Variants in WDFY3 observed in about 807,000 individuals in gnomAD.
WDFY3 encodes the protein WD repeat and FYVE domain-containing protein 3.
In WDFY3, 66 loss-of-function variants were observed where a neutral mutation model predicts 409.6. That is an observed-to-expected ratio of 0.16 (90% CI 0.13 to 0.20). WDFY3 has a LOEUF of 0.20. Among genes scored for constraint, WDFY3 ranks in the 10% least tolerant of loss-of-function variants. The probability of loss-of-function intolerance (pLI) is 1.00; values close to 1 mark genes in which losing one functional copy is unlikely to be tolerated. For synonymous variants in WDFY3, 1,521 were observed against 1,537.1 expected, an observed-to-expected ratio of 0.99 and a Z score of 0.25; for missense variants, 3,031 against 4,298.1, an observed-to-expected ratio of 0.71 and a Z score of 8.24.
intron 3 of WDFY3, among the ~76,000 whole-genome samples, chr4:84,874,088 C>T (rs1192700486): frequency 6.6e-6 from 1 of 151,582 alleles, no homozygotes; most frequent in Non-Finnish European, 1.5e-5. Context: ...GCCTGGTGTC[C>T]TGTTCTTACA....
chr4:84,952,230 A>T (rs1388894282), intron 1 of WDFY3, among the ~76,000 whole-genome samples: 2 of 152,146 alleles, frequency 1.3e-5, no homozygotes, highest in Middle Eastern at 3.2e-3. Flanking sequence ...TGGTTATGCA[A>T]CCTAAGACAA....
chr4:84,906,495 T>C (rs1216900650), intron 2 of WDFY3, among the ~76,000 whole-genome samples: 1 of 152,156 alleles, frequency 6.6e-6, no homozygotes, highest in Non-Finnish European at 1.5e-5. Context: ...GTGTAATATT[T>C]TAATAAAAGC....
At chr4:84,771,000 T>G (rs1006797901) in intron 30 of WDFY3, among the ~76,000 whole-genome samples, 1 of 152,180 alleles carries the variant, frequency 6.6e-6, no homozygotes, top group Non-Finnish European at 1.5e-5. Context: ...ACTTGGCATA[T>G]CAAAAGAAAA....
chr4:84,927,446 T>C (rs1011312716), intron 2 of WDFY3, among the ~76,000 whole-genome samples: 10 of 151,868 alleles, frequency 6.6e-5, no homozygotes, highest in African/African-American at 2.4e-4. Context: ...AAAGAACCCA[T>C]AAAATAAGTT....
At chr4:84,921,524 T>TTTATC (rs1769269741) in intron 2 of WDFY3, among the ~76,000 whole-genome samples, 2 of 152,126 alleles carry the variant, frequency 1.3e-5, no homozygotes. Flanking sequence ...AGAAAAGTAT[T>TTTATC]TTTATATGTC....
chr4:84,730,327 G>A (rs1372221367), intron 44 of WDFY3, among the ~76,000 whole-genome samples: 2 of 152,142 alleles, frequency 1.3e-5, no homozygotes, highest in Non-Finnish European at 2.9e-5. Context: ...CTATAACTTA[G>A]GGAAGACAAG....
intron 23 of WDFY3, 141 bp from the exon 24 acceptor site, chr4:84,786,280 T>A: frequency 1.3e-6 from 1 of 761,920 alleles, no homozygotes; most frequent in Non-Finnish European, 2.0e-6. Context: ...AAAACTATCT[T>A]CTCAGCTCTT....
In WDFY3 at chr4:84,671,289, C is replaced by T. The variant is rs1270020154; in HGVS notation, c.*1579G>A. 1.3e-5 allele frequency: 2 copies of T among 152,428 alleles called. No homozygotes were observed. The highest frequency in any genetic ancestry group is 6.6e-5 in the Admixed American group (1 of 15,260). The allele number at this position is 152,428 out of a possible 1,614,324, so 9.4% of individuals were successfully genotyped here. On this transcript the variant is annotated 3_prime_UTR_variant, in exon 68 of 68. Transcript: ENST00000295888. ...CCTAAAGATGGAAAATTGGAAAAGC[C>T]AAAGCCGCTGTCCTTTGCATGATGC...
rs757191262 is a variant in WDFY3 at position 84,677,341 on chromosome 4, C to G, written c.10315G>C (p.Val3439Leu). The G allele has an allele frequency of 2.5e-6, 4 of 1,614,148 alleles. No individual in the cohort carries two copies. Among genetic ancestry groups the G allele is most frequent in the South Asian group, 1.1e-5 (1 of 91,074 alleles). The change falls in exon 67 of 68, where the codon GTG (valine) becomes CTG (leucine). Residue 3439 changes from valine (V) to leucine (L), a missense_variant. Around this residue, in one of 16 missense-constraint regions of WDFY3, gnomAD observed 378 missense variants for 477.3 expected, o/e 0.79. Coordinates refer to ENST00000295888, the MANE Select transcript of WDFY3 (RefSeq NM_014991.6). ...GCAGAACGGCCTGGCTGGTCACTCA[C>G]AGACCAGCTGAAAACTCGGCCTCGA... ...DSRGRVFSWS[V>L]SDQPGRSAAD...
chr4:84,792,476 T>C (rs1748690755), intron 21 of WDFY3, among the ~76,000 whole-genome samples: 1 of 152,238 alleles, frequency 6.6e-6, no homozygotes, highest in Non-Finnish European at 1.5e-5. Context: ...AGAGTTTCAC[T>C]TTCTGACTTA....
Position 84,752,162 on chromosome 4 carries a change from C to A in WDFY3, c.5740-446G>T, listed in dbSNP as rs190658889. Among the ~76,000 whole-genome samples the A allele has an allele frequency of 9.7e-4, 147 of 151,212 alleles. 2 individuals carry two copies. In the East Asian group the frequency reaches 0.016, roughly 16 times the overall value. On this transcript the variant is annotated intron_variant, in intron 35 of 67. Coordinates refer to ENST00000295888, the MANE Select transcript of WDFY3 (RefSeq NM_014991.6). Reference sequence around the variant, plus strand: ...ACCCCAAATAAATTTAAAAAAAAAACAACAATATTGGTGCCAATTTTGAAC... The same window carrying A: ...ACCCCAAATAAATTTAAAAAAAAAAAAACAATATTGGTGCCAATTTTGAAC...
chr4:84,881,034 C>A (rs902295575), intron 3 of WDFY3, among the ~76,000 whole-genome samples: 3 of 151,762 alleles, frequency 2.0e-5, no homozygotes, highest in African/African-American at 7.3e-5. Context: ...GATGGTAAGT[C>A]TTACTGAGCT....
chr4:84,729,483 C>T (rs1403798492), intron 44 of WDFY3, among the ~76,000 whole-genome samples: 7 of 151,550 alleles, frequency 4.6e-5, no homozygotes, highest in Non-Finnish European at 7.4e-5. Context: ...TAATTTTTCT[C>T]GATATTAATA....
At chr4:84,921,162 A>G (rs1474147507) in intron 2 of WDFY3, among the ~76,000 whole-genome samples, 1 of 152,200 alleles carries the variant, frequency 6.6e-6, no homozygotes, top group Non-Finnish European at 1.5e-5. Flanking sequence ...CTGGTATAAC[A>G]TAATTGATAT....
At chr4:84,899,464 A>C (rs1305979777) in intron 2 of WDFY3, among the ~76,000 whole-genome samples, 1 of 152,226 alleles carries the variant, frequency 6.6e-6, no homozygotes, top group Non-Finnish European at 1.5e-5. Context: ...TTATCAAATT[A>C]AACATTTATT....
intron 13 of WDFY3, among the ~76,000 whole-genome samples, chr4:84,815,094 AAAT>A (rs144207274): frequency 1.1e-4 from 16 of 152,296 alleles, no homozygotes; most frequent in Non-Finnish European, 2.1e-4. Flanking sequence ...GGTAGAGGAA[AAAT>A]AATGTTTTTC....
At chr4:84,872,338 G>A (rs1057100478) in intron 3 of WDFY3, among the ~76,000 whole-genome samples, 9 of 151,794 alleles carry the variant, frequency 5.9e-5, no homozygotes, top group East Asian at 5.8e-4. Context: ...GGTGGAGGGC[G>A]CCTATGGTCC....
At chr4:84,895,824 A>C (rs1331518350) in intron 3 of WDFY3, among the ~76,000 whole-genome samples, 5 of 152,194 alleles carry the variant, frequency 3.3e-5, no homozygotes, top group Admixed American at 3.3e-4. Flanking sequence ...GATCAAAAGA[A>C]AAAGAGATCA....
intron 4 of WDFY3, among the ~76,000 whole-genome samples, chr4:84,854,480 T>A (rs755970987): frequency 6.6e-6 from 1 of 152,224 alleles, no homozygotes; most frequent in Non-Finnish European, 1.5e-5. Flanking sequence ...CAACAAGTAG[T>A]GGTATTTCTT....
Sources: gnomAD v4.1 joint callset for allele counts (sites outside exome capture counted in the v4.1 genomes callset) on GRCh38, gnomAD v4.1.1 for gene constraint, gnomAD v4.1.1 regional missense constraint, MANE v1.5 for transcripts, NCBI Gene and HGNC (gene_info 2026-07-23, HGNC 2026-07-21) for gene names.